EPB41L1: variants seen among roughly 807,000 people sequenced by gnomAD.
The protein encoded by EPB41L1 is band 4.1-like protein 1.
A neutral mutation model predicts 97.8 loss-of-function variants in EPB41L1; 29 were observed. That is an observed-to-expected ratio of 0.30 (90% confidence interval 0.22 to 0.40). The LOEUF (loss-of-function observed/expected upper bound fraction) is 0.40. Among genes scored for constraint, EPB41L1 ranks in the 10% least tolerant of loss-of-function variants. The probability of loss-of-function intolerance (pLI) is 1.00; values close to 1 mark genes in which losing one functional copy is unlikely to be tolerated. For missense variants in EPB41L1, 812 were observed against 1,162.3 expected (o/e 0.70, Z 4.38); for synonymous variants, 383 against 459.2 (o/e 0.83, Z 2.12).
At chr20:36,155,320 T>G in intron 1 of EPB41L1, 1 of 379,534 alleles carries the variant, frequency 2.6e-6, no homozygotes. Flanking sequence ...CTCTCCTCAC[T>G]CTGGTTACGG....
chr20:36,135,658 G>C (rs1261156724), intron 2 of EPB41L1, among the ~76,000 whole-genome samples: 1 of 152,196 alleles, frequency 6.6e-6, no homozygotes, highest in Non-Finnish European at 1.5e-5. Flanking sequence ...CTGAGGCTCT[G>C]GCCACCCTGG....
At chr20:36,217,583 G>C (rs2063518565) in intron 17 of EPB41L1, among the ~76,000 whole-genome samples, 1 of 152,192 alleles carries the variant, frequency 6.6e-6, no homozygotes, top group Non-Finnish European at 1.5e-5. Flanking sequence ...AGAACAATGA[G>C]AGAATAAGAG....
At chr20:36,175,026 A>G (rs1457820460) in intron 2 of EPB41L1, among the ~76,000 whole-genome samples, 1 of 152,146 alleles carries the variant, frequency 6.6e-6, no homozygotes, top group African/African-American at 2.4e-5. Flanking sequence ...TCCTTAATTC[A>G]CGACAGGCCT....
At chr20:36,139,660 TC>T (rs1475679837) in intron 2 of EPB41L1, among the ~76,000 whole-genome samples, 1 of 152,166 alleles carries the variant, frequency 6.6e-6, no homozygotes, top group African/African-American at 2.4e-5. Context: ...ACAAAGCCCT[TC>T]CCCTCTCTGG....
chr20:36,147,456 G>T (rs973849006), intron 2 of EPB41L1, among the ~76,000 whole-genome samples: 3 of 152,204 alleles, frequency 2.0e-5, no homozygotes, highest in Non-Finnish European at 4.4e-5. Flanking sequence ...ACAAACACAG[G>T]CCTTGGAGTC....
chr20:36,108,954 T>A (rs2058294089), intron 1 of EPB41L1, among the ~76,000 whole-genome samples: 1 of 151,704 alleles, frequency 6.6e-6, no homozygotes, highest in Non-Finnish European at 1.5e-5. Context: ...CTTCTTTTTT[T>A]TTTTTTTGAG....
intron 1 of EPB41L1, among the ~76,000 whole-genome samples, chr20:36,171,286 A>C (rs1237420974): frequency 6.6e-6 from 1 of 152,170 alleles, no homozygotes; most frequent in Non-Finnish European, 1.5e-5. Flanking sequence ...GGACCCTTCC[A>C]AGGCTGTGGG....
intron 7 of EPB41L1, 85 bp from the exon 8 acceptor site, chr20:36,187,591 G>T (rs191601283): frequency 6.3e-5 from 67 of 1,062,782 alleles, no homozygotes; most frequent in Non-Finnish European, 9.3e-5. Context: ...CTAGAATCAT[G>T]GGTTCTGATG....
chr20:36,197,265 G>A (rs1019737493), intron 13 of EPB41L1, among the ~76,000 whole-genome samples: 1 of 152,164 alleles, frequency 6.6e-6, no homozygotes, highest in Non-Finnish European at 1.5e-5. Context: ...GATCTGTACT[G>A]TGGGCCTCCC....
intron 2 of EPB41L1, among the ~76,000 whole-genome samples, chr20:36,123,512 C>G (rs985874579): frequency 6.6e-6 from 1 of 152,160 alleles, no homozygotes; most frequent in African/African-American, 2.4e-5. Context: ...GCAATCTTGG[C>G]TCGCTGCAAC....
intron 3 of EPB41L1, among the ~76,000 whole-genome samples, chr20:36,177,747 A>C (rs556567029): frequency 3.3e-4 from 50 of 152,358 alleles, no homozygotes; most frequent in African/African-American, 1.2e-3. Context: ...GAAGAAGGCC[A>C]TCAAGGAGCT....
chr20:36,208,104 C>T (rs1023612411), intron 14 of EPB41L1, among the ~76,000 whole-genome samples: 4 of 152,168 alleles, frequency 2.6e-5, no homozygotes, highest in African/African-American at 7.2e-5. Context: ...TTTGCCTTGC[C>T]GCTCATACCC....
chr20:36,102,225 G>C (rs988430312), intron 1 of EPB41L1, among the ~76,000 whole-genome samples: 5 of 151,936 alleles, frequency 3.3e-5, no homozygotes, highest in African/African-American at 9.7e-5. Context: ...CTTGTAGAAG[G>C]CTGGCCTCAG....
rs6060849 is a variant in EPB41L1, at chr20:36,188,559, T to G, written c.1026+60T>G. On this transcript the variant is annotated intron_variant, in intron 9 of 21. Coordinates refer to ENST00000338074, the MANE Select transcript of EPB41L1 (RefSeq NM_012156.2). The stretch of plus-strand genomic sequence containing the variant: ...GAATCAACTAGAATGGAGTGGACCC[T>G]GGCAGCTGGGCCTGGACTGCCAACA... 6.5e-3 allele frequency: 9,084 copies of G among 1,405,354 alleles called. 156 individuals carry two copies. The highest frequency in any genetic ancestry group is 0.053 in the African/African-American group (3,424 of 65,000). 87.1% of individuals were successfully genotyped at this position (1,405,354 alleles called of 1,614,324 possible).
At chr20:36,221,451 C>A (rs1165650128) in intron 19 of EPB41L1, among the ~76,000 whole-genome samples, 1 of 152,176 alleles carries the variant, frequency 6.6e-6, no homozygotes, top group African/African-American at 2.4e-5. Context: ...GAACAAAATA[C>A]AGACCCTGCC....
At chr20:36,158,823 A>G (rs1320262991) in intron 1 of EPB41L1, among the ~76,000 whole-genome samples, 3 of 152,184 alleles carry the variant, frequency 2.0e-5, no homozygotes, top group Non-Finnish European at 4.4e-5. Context: ...CTCAGTAAAC[A>G]TTACTTCTCT....
rs759637537 is a variant in EPB41L1 at position 36,212,420 on chromosome 20, AT to A, written c.2184+47del. The A allele has an allele frequency of 1.3e-6, 2 of 1,559,874 alleles. No individual in the cohort carries two copies. The highest frequency in any genetic ancestry group is 8.8e-7 in the Non-Finnish European group (1 of 1,131,670). On this transcript the variant is annotated intron_variant, in intron 16 of 21. Coordinates refer to ENST00000338074, the MANE Select transcript of EPB41L1 (RefSeq NM_012156.2). This position sits in a 1 kb window ranked among gnomAD's most constrained non-coding sequence, Gnocchi z 4.8. ...TGTACCCTAAGCATGGGTATTGGGC[AT>A]TTGGTGGTAGGGTCCCCACTGCTGT...
chr20:36,117,884 C>T (rs796995002), intron 2 of EPB41L1, among the ~76,000 whole-genome samples: 49 of 152,340 alleles, frequency 3.2e-4, no homozygotes, highest in African/African-American at 1.1e-3. Flanking sequence ...GCCTCACTCA[C>T]CACTTCTGTA....
chr20:36,184,381 G>A (rs2061597214), intron 6 of EPB41L1, among the ~76,000 whole-genome samples: 1 of 152,066 alleles, frequency 6.6e-6, no homozygotes, highest in African/African-American at 2.4e-5. Flanking sequence ...GTTTTAAATG[G>A]TTCTAAAATT....
Sources: gnomAD v4.1 joint callset for allele counts (sites outside exome capture counted in the v4.1 genomes callset) on GRCh38, gnomAD v4.1.1 for gene constraint, Gnocchi (gnomAD v3.1) non-coding constraint, MANE v1.5 for transcripts, NCBI Gene and HGNC (gene_info 2026-07-23, HGNC 2026-07-21) for gene names.